LHFPL3: variants seen among roughly 807,000 people sequenced by gnomAD.
LHFPL3 encodes the protein LHFPL tetraspan subfamily member 3 protein.
A neutral mutation model predicts 19.3 loss-of-function variants in LHFPL3; 5 were observed. That is an observed-to-expected ratio of 0.26 (90% confidence interval 0.14 to 0.54). The LOEUF (loss-of-function observed/expected upper bound fraction) is 0.54, where lower values mean the gene tolerates loss of function less well. LHFPL3 is among the 20% of genes least tolerant of loss of function. The pLI is 0.94. For missense variants in LHFPL3, 249 were observed against 307.4 expected (o/e 0.81, Z 1.42); for synonymous variants, 133 against 126.2 (o/e 1.05, Z -0.36).
At chr7:104,336,074 T>C (rs1789802446) in intron 1 of LHFPL3, among the ~76,000 whole-genome samples, 1 of 152,176 alleles carries the variant, frequency 6.6e-6, no homozygotes, top group Non-Finnish European at 1.5e-5. Context: ...ATTTCCATAA[T>C]GTATTTGAAC....
intron 1 of LHFPL3, among the ~76,000 whole-genome samples, chr7:104,367,807 T>C: frequency 6.6e-6 from 1 of 152,252 alleles, no homozygotes; most frequent in Admixed American, 6.5e-5. Context: ...GTTGAGACTT[T>C]AGGGGGAAGG....
At chr7:104,774,867 A>G (rs1235714513) in intron 2 of LHFPL3, among the ~76,000 whole-genome samples, 2 of 152,222 alleles carry the variant, frequency 1.3e-5, no homozygotes, top group Non-Finnish European at 2.9e-5. Context: ...GAGTTTTAGC[A>G]TCTTTATACA....
intron 2 of LHFPL3, among the ~76,000 whole-genome samples, chr7:104,866,594 C>G (rs568775190): frequency 6.6e-6 from 1 of 152,304 alleles, no homozygotes; most frequent in East Asian, 1.9e-4. Context: ...TAGACACCTA[C>G]AAAGAGACTT....
chr7:104,668,152 G>C, intron 1 of LHFPL3: 1 of 1,614,076 alleles, frequency 6.2e-7, no homozygotes, highest in Non-Finnish European at 8.5e-7. Flanking sequence ...AATCCAGAGA[G>C]GCTGAAAGGT....
rs752650619 is a variant in LHFPL3, at chr7:104,857,318, CA to C, written c.683-48866del. 1.0e-3 allele frequency among the ~76,000 whole-genome samples: 153 copies of C among 152,280 alleles called. 4 individuals are homozygous for C. Among genetic ancestry groups the C allele is most frequent in the East Asian group, 3.1e-3 (16 of 5,192 alleles). ...AAATATAATATCACAATGATGCCACCAAATGCAAATATAATATCATACATCC... is the reference window on the plus strand; with the variant it reads ...AAATATAATATCACAATGATGCCACCAATGCAAATATAATATCATACATCC... On this transcript the variant is annotated intron_variant, in intron 2 of 2. Transcript: ENST00000424859.
chr7:104,447,371 A>T lies in LHFPL3; in HGVS notation c.445+118147A>T, dbSNP rs1038252003. On this transcript the variant is annotated intron_variant, in intron 1 of 2. Coordinates refer to ENST00000424859, the MANE Select transcript of LHFPL3 (RefSeq NM_199000.3). ...ATTTTCTAAATATTGAATTTAAAAAAAATAGTACTTTTTCTAATTGGTCAA... is the reference window on the plus strand; with the variant it reads ...ATTTTCTAAATATTGAATTTAAAAATAATAGTACTTTTTCTAATTGGTCAA... Among the ~76,000 whole-genome samples the T allele has an allele frequency of 1.9e-4, 29 of 152,344 alleles. No individual in the cohort carries two copies. The East Asian group carries it at 5.6e-3, about 29-fold the overall frequency.
intron 2 of LHFPL3, among the ~76,000 whole-genome samples, chr7:104,762,620 C>T (rs760962994): frequency 6.6e-6 from 1 of 152,180 alleles, no homozygotes; most frequent in Non-Finnish European, 1.5e-5. Flanking sequence ...GAGCCCAGAG[C>T]TGTGAAGACT....
At chr7:104,393,369 C>A (rs1245030291) in intron 1 of LHFPL3, among the ~76,000 whole-genome samples, 1 of 151,480 alleles carries the variant, frequency 6.6e-6, no homozygotes, top group Non-Finnish European at 1.5e-5. Context: ...GCATGAAGAT[C>A]CATAATAACC....
chr7:104,738,032 G>A (rs1002765036), intron 2 of LHFPL3, among the ~76,000 whole-genome samples: 1 of 152,068 alleles, frequency 6.6e-6, no homozygotes, highest in Non-Finnish European at 1.5e-5. Flanking sequence ...AATAGTCTAT[G>A]GACTAAAATG....
chr7:104,357,471 A>G (rs1790302904), intron 1 of LHFPL3, among the ~76,000 whole-genome samples: 1 of 152,240 alleles, frequency 6.6e-6, no homozygotes, highest in Non-Finnish European at 1.5e-5. Flanking sequence ...ACATCTTTAC[A>G]ACTCCGTAAG....
chr7:104,726,423 C>T (rs1236629771), intron 1 of LHFPL3, among the ~76,000 whole-genome samples: 3 of 151,862 alleles, frequency 2.0e-5, no homozygotes, highest in African/African-American at 7.3e-5. Flanking sequence ...CTGCACCTAT[C>T]AAGCCGTCAC....
intron 1 of LHFPL3, among the ~76,000 whole-genome samples, chr7:104,540,929 A>G (rs114533321): frequency 1.3e-5 from 2 of 152,276 alleles, no homozygotes; most frequent in African/African-American, 4.8e-5. Context: ...ACTAAATGCA[A>G]CGAACTCTGC....
At chr7:104,884,222 G>A (rs780961514) in intron 2 of LHFPL3, among the ~76,000 whole-genome samples, 1 of 152,184 alleles carries the variant, frequency 6.6e-6, no homozygotes, top group African/African-American at 2.4e-5. Context: ...TCACGGAGAA[G>A]GCATCTGCTT....
At chr7:104,512,910 G>C (rs1329368125) in intron 1 of LHFPL3, among the ~76,000 whole-genome samples, 1 of 152,134 alleles carries the variant, frequency 6.6e-6, no homozygotes, top group Non-Finnish European at 1.5e-5. Context: ...TCTTTTCTCT[G>C]TCAGTCCAGC....
At chr7:104,496,100 C>G (rs1295958280) in intron 1 of LHFPL3, among the ~76,000 whole-genome samples, 1 of 152,106 alleles carries the variant, frequency 6.6e-6, no homozygotes, top group Non-Finnish European at 1.5e-5. Context: ...GTTATATCTC[C>G]TAATGCTATC....
intron 1 of LHFPL3, among the ~76,000 whole-genome samples, chr7:104,543,713 A>G (rs2115883872): frequency 7.3e-6 from 1 of 136,264 alleles, no homozygotes; most frequent in African/African-American, 2.8e-5. Context: ...GGAATTGAAC[A>G]ATGGGAGCAC....
At chr7:104,814,623 C>T (rs958199713) in intron 2 of LHFPL3, among the ~76,000 whole-genome samples, 1 of 151,750 alleles carries the variant, frequency 6.6e-6, no homozygotes, top group African/African-American at 2.4e-5. Context: ...ACCTGTCTGC[C>T]TCCCTCTGCC....
At chr7:104,574,120 T>C (rs1790279991) in intron 1 of LHFPL3, among the ~76,000 whole-genome samples, 1 of 152,182 alleles carries the variant, frequency 6.6e-6, no homozygotes, top group African/African-American at 2.4e-5. Flanking sequence ...AATTAACAAA[T>C]TATAGAAATT....
At chr7:104,459,199 T>C (rs998805094) in intron 1 of LHFPL3, among the ~76,000 whole-genome samples, 1 of 152,244 alleles carries the variant, frequency 6.6e-6, no homozygotes, top group Non-Finnish European at 1.5e-5. Context: ...AATTTCTCTT[T>C]TAAATGTCTT....
Sources: allele counts gnomAD v4.1 joint callset (sites outside exome capture counted in the v4.1 genomes callset), GRCh38; gene constraint gnomAD v4.1.1; transcripts MANE v1.5; gene names NCBI Gene and HGNC (gene_info 2026-07-23, HGNC 2026-07-21).